The following BBS9 variants were observed in gnomAD, a reference collection of about 807,000 sequenced individuals.
BBS9 encodes Bardet-Biedl syndrome 9.
In BBS9, 89 loss-of-function variants were observed where a neutral mutation model predicts 117.7. The ratio of observed to expected loss-of-function variants is 0.76; its 90% CI spans 0.64 to 0.90. BBS9 has a LOEUF of 0.90. Ranked by LOEUF, BBS9 falls within the 40% of genes least tolerant of loss-of-function variation. The pLI is 0.00. For synonymous variants in BBS9, 379 were observed against 370.9 expected, an observed-to-expected ratio of 1.02 and a Z score of -0.25; for missense variants, 982 against 1,042.2, an observed-to-expected ratio of 0.94 and a Z score of 0.80.
downstream of BBS9, chr7:33,606,183 G>A (rs1418775727): frequency 6.6e-6 from 1 of 151,918 alleles, no homozygotes; most frequent in Non-Finnish European, 1.5e-5. Context: ...CCTCTTTTAG[G>A]AGATGCAGAT....
At chr7:33,289,158 T>C (rs1803503988) in intron 9 of BBS9, among the ~76,000 whole-genome samples, 1 of 152,190 alleles carries the variant, frequency 6.6e-6, no homozygotes, top group Non-Finnish European at 1.5e-5. Context: ...ACGTATGTTA[T>C]TTAGAGTTGT....
At chr7:33,231,870 T>A (rs1792519016) in intron 5 of BBS9, among the ~76,000 whole-genome samples, 2 of 152,062 alleles carry the variant, frequency 1.3e-5, no homozygotes, top group African/African-American at 2.4e-5. Context: ...GTGGAGGATG[T>A]CCTATATGCC....
intron 21 of BBS9, among the ~76,000 whole-genome samples, chr7:33,625,753 C>T (rs1162517249): frequency 6.6e-6 from 1 of 152,266 alleles, no homozygotes; most frequent in East Asian, 1.9e-4. Flanking sequence ...TATTTTTCCT[C>T]ATAAAGATAC....
intron 5 of BBS9, among the ~76,000 whole-genome samples, chr7:33,245,854 G>A (rs902304794): frequency 7.9e-5 from 12 of 152,046 alleles, no homozygotes; most frequent in African/African-American, 2.9e-4. Context: ...GACATTTAGG[G>A]CAGGGTTATT....
At chr7:33,176,494 C>T (rs1166330406) in intron 4 of BBS9, among the ~76,000 whole-genome samples, 1 of 152,134 alleles carries the variant, frequency 6.6e-6, no homozygotes, top group Non-Finnish European at 1.5e-5. Context: ...TTGTTTTGAA[C>T]TTAAGGTGCT....
rs368494839 is a variant in BBS9 at position 33,542,790 on chromosome 7, TACACACACACACACACAC to T, written c.2521+8646_2521+8663del. Among the ~76,000 whole-genome samples, 928 of 134,366 alleles carry T rather than the reference TACACACACACACACACAC, an allele frequency of 6.9e-3. 14 individuals are homozygous for T. Among genetic ancestry groups the T allele is most frequent in the East Asian group, 0.028 (120 of 4,318 alleles). The allele number at this position is 134,366 out of a possible 152,430, so 88.1% of individuals were successfully genotyped here. On this transcript the variant is annotated intron_variant, in intron 21 of 22. Coordinates refer to ENST00000242067, the MANE Select transcript of BBS9 (RefSeq NM_198428.3). ...ATATGTGAGTATATATATATATATGTACACACACACACACACACACACACACACACACACACACACACA... is the reference window on the plus strand; with the variant it reads ...ATATGTGAGTATATATATATATATGTACACACACACACACACACACACACA...
chr7:33,572,355 A>T (rs1368065112), intron 21 of BBS9, among the ~76,000 whole-genome samples: 1 of 152,148 alleles, frequency 6.6e-6, no homozygotes, highest in Non-Finnish European at 1.5e-5. Context: ...ATGGACACTT[A>T]AGTTGATTAC....
intron 5 of BBS9, among the ~76,000 whole-genome samples, chr7:33,249,571 G>C (rs1445331152): frequency 6.6e-6 from 1 of 151,848 alleles, no homozygotes; most frequent in Non-Finnish European, 1.5e-5. Flanking sequence ...ATCTTGGTCA[G>C]TTCTTTCTCA....
chr7:33,384,476 G>C (rs1825657609), intron 18 of BBS9, among the ~76,000 whole-genome samples: 1 of 152,174 alleles, frequency 6.6e-6, no homozygotes, highest in African/African-American at 2.4e-5. Context: ...TTGATTTGAT[G>C]ATTGGGACTA....
At chr7:33,597,254 A>G (rs1863002663) in intron 21 of BBS9, among the ~76,000 whole-genome samples, 1 of 146,858 alleles carries the variant, frequency 6.8e-6, no homozygotes, top group Non-Finnish European at 1.6e-5. Context: ...TGAAATCTCA[A>G]AAAAACACTT....
chr7:33,233,182 T>G (rs1054231645), intron 5 of BBS9, among the ~76,000 whole-genome samples: 3 of 152,126 alleles, frequency 2.0e-5, no homozygotes, highest in African/African-American at 7.2e-5. Context: ...ATTGTTTGGG[T>G]GGCTATTGGT....
At chr7:33,429,933 C>T (rs1197144858) in intron 19 of BBS9, among the ~76,000 whole-genome samples, 2 of 152,068 alleles carry the variant, frequency 1.3e-5, no homozygotes, top group African/African-American at 4.8e-5. Context: ...GGGAGAGTTG[C>T]CTTTAGGAAG....
In BBS9 at chr7:33,553,144, G is replaced by A. The variant is rs114366134; in HGVS notation, c.2521+18968G>A. ...CATTCTCAGATCTCAACTTAAAGAT[G>A]GCTTTTCTGTAAGATGTCTTCTGTG... On this transcript the variant is annotated intron_variant, in intron 21 of 22. Coordinates refer to ENST00000242067, the MANE Select transcript of BBS9 (RefSeq NM_198428.3). Among the ~76,000 whole-genome samples the A allele has an allele frequency of 2.9e-3, 434 of 152,270 alleles. 5 individuals carry two copies. Among genetic ancestry groups the A allele is most frequent in the African/African-American group, 0.01 (421 of 41,546 alleles).
At chr7:33,452,243 T>C (rs12669595) in intron 19 of BBS9, among the ~76,000 whole-genome samples, 96,872 of 151,756 alleles carry the variant, frequency 0.64, 31,573 homozygotes, top group African/African-American at 0.77. Flanking sequence ...ACAAGTCTTC[T>C]ACTACCTTGG....
intron 21 of BBS9, among the ~76,000 whole-genome samples, chr7:33,565,807 A>ATG (rs1554539654): frequency 5.2e-4 from 27 of 52,294 alleles, no homozygotes; most frequent in Non-Finnish European, 7.8e-4. Context: ...ATATATATAT[A>ATG]TATATATATA....
At chr7:33,594,892 T>TAA (rs1405327514) in intron 21 of BBS9, among the ~76,000 whole-genome samples, 1 of 152,018 alleles carries the variant, frequency 6.6e-6, no homozygotes, top group African/African-American at 2.4e-5. Flanking sequence ...CCCAATTTCA[T>TAA]AAGACCACAC....
chr7:33,283,891 G>C (rs529964393), intron 9 of BBS9, among the ~76,000 whole-genome samples: 1 of 152,174 alleles, frequency 6.6e-6, no homozygotes, highest in Admixed American at 6.5e-5. Flanking sequence ...TGCCCTGGGG[G>C]TCCATTTTCC....
intron 19 of BBS9, among the ~76,000 whole-genome samples, chr7:33,501,723 A>G (rs1325077408): frequency 6.6e-6 from 1 of 152,176 alleles, no homozygotes; most frequent in Non-Finnish European, 1.5e-5. Flanking sequence ...AATATTTGTT[A>G]TGATCTGATA....
In BBS9 at chr7:33,420,964, G is replaced by C. The variant is rs1033235533; in HGVS notation, c.2115+32820G>C. ...TTTCCATTGCATCCGTATCATCGAG[G>C]CCTCTCTAGACACTGTTTTGTGGCA... On this transcript the variant is annotated intron_variant, in intron 19 of 22. Coordinates refer to ENST00000242067, the MANE Select transcript of BBS9 (RefSeq NM_198428.3). Among the ~76,000 whole-genome samples the C allele has an allele frequency of 2.0e-5, 3 of 152,248 alleles. No homozygotes were observed. In the East Asian group the frequency reaches 5.8e-4, roughly 29 times the overall value.
Sources: gnomAD v4.1 joint callset for allele counts (sites outside exome capture counted in the v4.1 genomes callset) on GRCh38, gnomAD v4.1.1 for gene constraint, MANE v1.5 for transcripts, NCBI Gene and HGNC (gene_info 2026-07-23, HGNC 2026-07-21) for gene names.